RHOU: variants seen among roughly 807,000 people sequenced by gnomAD.
RHOU encodes the protein ras homolog family member U, also known as rho-related GTP-binding protein RhoU.
In RHOU, 8 loss-of-function variants were observed where a neutral mutation model predicts 12.6. The ratio of observed to expected loss-of-function variants is 0.64; its 90% CI spans 0.37 to 1.15. The LOEUF is 1.15. RHOU is among the 50% of genes most tolerant of loss of function. The pLI, the probability that RHOU is intolerant of heterozygous loss-of-function variation, is 0.01. For synonymous variants in RHOU, 161 were observed against 147.4 expected, an observed-to-expected ratio of 1.09 and a Z score of -0.67; for missense variants, 258 against 347.0, an observed-to-expected ratio of 0.74 and a Z score of 2.04.
intron 2 of RHOU, among the ~76,000 whole-genome samples, chr1:228,742,922 A>C (rs4993975): frequency 0.15 from 23,507 of 152,058 alleles, 2,055 homozygotes; most frequent in South Asian, 0.22. Context: ...AAGAGTTGAG[A>C]GTAGGTTTGG....
At chr1:228,692,017 C>T in the RHOU span, among the ~76,000 whole-genome samples, 1 of 152,250 alleles carries the variant, frequency 6.6e-6, no homozygotes, top group African/African-American at 2.4e-5. Flanking sequence ...CTGCATGAGA[C>T]CTTCAAAAAT....
At chr1:228,660,199 T>C in the RHOU span, among the ~76,000 whole-genome samples, 9 of 151,780 alleles carry the variant, frequency 5.9e-5, no homozygotes, top group Non-Finnish European at 1.3e-4. Context: ...AGAACAATTG[T>C]ACACCAACAT....
the RHOU span, among the ~76,000 whole-genome samples, chr1:228,700,037 T>C: frequency 6.6e-6 from 1 of 152,154 alleles, no homozygotes. Flanking sequence ...ATTTGGATAG[T>C]TTTATCTTTT....
upstream of RHOU, among the ~76,000 whole-genome samples, chr1:228,730,899 A>G (rs1481720822): frequency 3.3e-5 from 5 of 152,222 alleles, no homozygotes; most frequent in Non-Finnish European, 7.3e-5. Context: ...GATGATGACA[A>G]TGACACCTGG....
the RHOU span, among the ~76,000 whole-genome samples, chr1:228,721,873 C>T: frequency 2.6e-5 from 4 of 152,186 alleles, no homozygotes; most frequent in East Asian, 1.9e-4. Flanking sequence ...AGGCTGGCCT[C>T]GAACCCTGAC....
At chr1:228,674,220 G>C in the RHOU span, among the ~76,000 whole-genome samples, 2 of 151,992 alleles carry the variant, frequency 1.3e-5, no homozygotes, top group Admixed American at 6.6e-5. Context: ...TTCTTATTAA[G>C]TCTTCCTTTG....
the RHOU span, chr1:228,650,476 A>G: frequency 2.2e-6 from 1 of 456,528 alleles, no homozygotes; most frequent in East Asian, 6.9e-5. Flanking sequence ...GCAGGAGGGC[A>G]GCATCCTGGT....
the RHOU span, among the ~76,000 whole-genome samples, chr1:228,687,064 T>TA: frequency 1.3e-5 from 2 of 152,170 alleles, no homozygotes; most frequent in African/African-American, 4.8e-5. Context: ...TAAGGAATTA[T>TA]AAAAAATTAT....
the RHOU span, among the ~76,000 whole-genome samples, chr1:228,708,063 G>T: frequency 6.6e-6 from 1 of 152,042 alleles, no homozygotes; most frequent in African/African-American, 2.4e-5. Context: ...TATAAGTGAT[G>T]GAAGATGAAA....
the RHOU span, among the ~76,000 whole-genome samples, chr1:228,668,267 A>G: frequency 1.3e-4 from 20 of 152,224 alleles, no homozygotes; most frequent in African/African-American, 4.8e-4. Context: ...GTTCATGTGT[A>G]TCCTTTGTAA....
the RHOU span, among the ~76,000 whole-genome samples, chr1:228,728,203 T>C: frequency 3.9e-5 from 6 of 152,210 alleles, no homozygotes; most frequent in African/African-American, 1.4e-4. Flanking sequence ...GTGCCACCAG[T>C]GTAGCTCAGC....
chr1:228,674,976 G>A, the RHOU span, among the ~76,000 whole-genome samples: 1 of 150,402 alleles, frequency 6.6e-6, no homozygotes, highest in Non-Finnish European at 1.5e-5. Context: ...TGATCCGCCC[G>A]TCTTGGCCTC....
chr1:228,677,502 C>CG, the RHOU span, among the ~76,000 whole-genome samples: 5 of 151,098 alleles, frequency 3.3e-5, no homozygotes, highest in Non-Finnish European at 5.9e-5. Flanking sequence ...TACAGTCCCC[C>CG]CCTTTTTTTT....
At chr1:228,646,996 G>C in the RHOU span, among the ~76,000 whole-genome samples, 1 of 150,570 alleles carries the variant, frequency 6.6e-6, no homozygotes, top group South Asian at 2.1e-4. Flanking sequence ...GGGAAGGCTA[G>C]AGAAATAACG....
the RHOU span, among the ~76,000 whole-genome samples, chr1:228,668,733 C>T: frequency 0.018 from 2,668 of 152,278 alleles, 66 homozygotes; most frequent in African/African-American, 0.061. Flanking sequence ...GGCTGCTCGC[C>T]CAGCCCTGCT....
the RHOU span, among the ~76,000 whole-genome samples, chr1:228,646,587 G>T: frequency 8.5e-5 from 11 of 129,084 alleles, no homozygotes; most frequent in Admixed American, 8.1e-4. Context: ...GACCCGGCCG[G>T]GGGGGCAAGA....
the RHOU span, among the ~76,000 whole-genome samples, chr1:228,707,130 A>ATATATATATATATG: frequency 4.4e-4 from 49 of 110,184 alleles, no homozygotes; most frequent in African/African-American, 5.7e-4. Context: ...ATATATACAT[A>ATATATATATATATG]TATATATATA....
the RHOU span, among the ~76,000 whole-genome samples, chr1:228,720,586 C>T: frequency 5.9e-5 from 9 of 152,190 alleles, no homozygotes; most frequent in African/African-American, 1.4e-4. Context: ...CCTGTGAAGA[C>T]GTGAGAAGAA....
chr1:228,674,400 G>A, the RHOU span, among the ~76,000 whole-genome samples: 3 of 148,666 alleles, frequency 2.0e-5, no homozygotes, highest in Admixed American at 6.7e-5. Flanking sequence ...AGGCTGGAGC[G>A]CAGTGGTGCA....
Sources: gnomAD v4.1 joint callset for allele counts (sites outside exome capture counted in the v4.1 genomes callset) on GRCh38, gnomAD v4.1.1 for gene constraint, MANE v1.5 for transcripts, NCBI Gene and HGNC (gene_info 2026-07-23, HGNC 2026-07-21) for gene names.